Variants in OR7C1 observed in about 807,000 individuals in gnomAD.
OR7C1 encodes olfactory receptor family 7 subfamily C member 1, also known as olfactory receptor 7C1.
For synonymous variants in OR7C1, 152 were observed against 160.7 expected (o/e 0.95, Z 0.41); for missense variants, 324 against 383.3 (o/e 0.85, Z 1.29).
chr19:14,811,901 G>A (rs1215139987), intron 1 of OR7C1, among the ~76,000 whole-genome samples: 1 of 151,908 alleles, frequency 6.6e-6, no homozygotes, highest in Non-Finnish European at 1.5e-5. Context: ...CCTCCCGTGC[G>A]GCCTAGCTCC....
At chr19:14,822,908 T>A (rs766757358) in intron 1 of OR7C1, among the ~76,000 whole-genome samples, 2 of 152,104 alleles carry the variant, frequency 1.3e-5, no homozygotes, top group Non-Finnish European at 2.9e-5. Context: ...TATATTGGGA[T>A]ATTAACCCCT....
intron 1 of OR7C1, among the ~76,000 whole-genome samples, chr19:14,830,949 A>C (rs1434668227): frequency 2.0e-5 from 3 of 152,138 alleles, no homozygotes. Context: ...GTACCGCACA[A>C]AGCCCTCTTC....
intron 1 of OR7C1, among the ~76,000 whole-genome samples, chr19:14,817,220 T>G (rs998044969): frequency 1.3e-4 from 20 of 152,196 alleles, no homozygotes; most frequent in African/African-American, 4.8e-4. Flanking sequence ...GAATGGAAGT[T>G]CAATTGTTAA....
At position 14,799,698 on chromosome 19, in the gene OR7C1, C is replaced by T. The variant is rs147490603; in HGVS notation, c.439G>A (p.Gly147Arg). The T allele has an allele frequency of 8.7e-6, 14 of 1,614,008 alleles. No homozygotes were observed. The African/African-American group carries it at 1.6e-4, about 18-fold the overall frequency. ...CCCATGACACTGATGCACCAGGACC[C>T]CAGAACCAGCAGTCCACAGAGCTGG... The change falls in exon 5 of 5, where the codon GGG (glycine) becomes AGG (arginine). Residue 147 changes from glycine to arginine, a missense_variant. Coordinates refer to ENST00000641666, the Ensembl canonical transcript of OR7C1.
At chr19:14,823,005 T>A (rs968445319) in intron 1 of OR7C1, among the ~76,000 whole-genome samples, 1 of 152,220 alleles carries the variant, frequency 6.6e-6, no homozygotes, top group Non-Finnish European at 1.5e-5. Flanking sequence ...AGAAGGTTTT[T>A]AATTTGATGT....
chr19:14,827,482 C>A (rs148536488), intron 1 of OR7C1: 1 of 1,613,836 alleles, frequency 6.2e-7, no homozygotes, highest in African/African-American at 1.3e-5. Flanking sequence ...CCTAGGATTG[C>A]ACCATAAAAT....
chr19:14,814,724 C>T (rs8103907), intron 1 of OR7C1, among the ~76,000 whole-genome samples: 1,977 of 152,174 alleles, frequency 0.013, 42 homozygotes, highest in African/African-American at 0.045. Context: ...CATGCCTGGC[C>T]GGGAAAATGC....
chr19:14,812,036 C>T (rs1751141733), intron 1 of OR7C1, among the ~76,000 whole-genome samples: 1 of 150,724 alleles, frequency 6.6e-6, no homozygotes, highest in African/African-American at 2.5e-5. Context: ...GTGTGTTGTT[C>T]AGTCTTTGCT....
exon 5 of OR7C1, chr19:14,799,321 C>G (rs2147642087): frequency 6.2e-7 from 1 of 1,614,164 alleles, no homozygotes; most frequent in Non-Finnish European, 8.5e-7. Context: ...CTGAGGCCAC[C>G]AGACTTGTCC....
chr19:14,805,167 T>G (rs966293635), intron 2 of OR7C1, among the ~76,000 whole-genome samples: 5 of 151,786 alleles, frequency 3.3e-5, no homozygotes, highest in Non-Finnish European at 7.4e-5. Context: ...TTGTTCAGCT[T>G]TGATCACTAC....
chr19:14,801,487 A>C (rs1408235681), intron 2 of OR7C1, among the ~76,000 whole-genome samples: 4 of 152,202 alleles, frequency 2.6e-5, no homozygotes, highest in Non-Finnish European at 4.4e-5. Flanking sequence ...TATGGTTAAA[A>C]AATTTTATAG....
intron 1 of OR7C1, among the ~76,000 whole-genome samples, chr19:14,815,901 A>G (rs1352076136): frequency 6.6e-6 from 1 of 151,850 alleles, no homozygotes; most frequent in African/African-American, 2.4e-5. Context: ...GGCTCACTGC[A>G]GCCTCTACCT....
chr19:14,817,493 C>A (rs930898475), intron 1 of OR7C1, among the ~76,000 whole-genome samples: 3 of 152,184 alleles, frequency 2.0e-5, no homozygotes, highest in African/African-American at 7.2e-5. Context: ...TATCATCAAC[C>A]ATTCAGGGTA....
At chr19:14,820,706 G>T (rs781685288) in intron 1 of OR7C1, among the ~76,000 whole-genome samples, 2 of 152,192 alleles carry the variant, frequency 1.3e-5, no homozygotes, top group Non-Finnish European at 2.9e-5. Flanking sequence ...TGGAATAAAT[G>T]TGTGTCTGAC....
intron 1 of OR7C1, among the ~76,000 whole-genome samples, chr19:14,815,180 G>A (rs1211242525): frequency 6.6e-6 from 1 of 152,202 alleles, no homozygotes; most frequent in South Asian, 2.1e-4. Flanking sequence ...GACTGATTGG[G>A]CAACTTTCTC....
At chr19:14,831,426 C>A (rs1456349728) in intron 1 of OR7C1, among the ~76,000 whole-genome samples, 1 of 151,730 alleles carries the variant, frequency 6.6e-6, no homozygotes, top group Non-Finnish European at 1.5e-5. Context: ...TCCTGTGTGG[C>A]CTTTATTTTA....
exon 3 of OR7C1, chr19:14,800,609 A>G (rs1425292247): frequency 6.5e-6 from 1 of 153,278 alleles, no homozygotes. Flanking sequence ...ATTTTCTAAC[A>G]AAGAGCATCC....
intron 1 of OR7C1, among the ~76,000 whole-genome samples, chr19:14,822,373 C>CTTTTTTTTTTTTTTTTTTTT (rs1162241411): frequency 1.5e-5 from 1 of 67,694 alleles, no homozygotes; most frequent in African/African-American, 5.4e-5. Flanking sequence ...TATCTCCTGT[C>CTTTTTTTTTTTTTTTTTTTT]TTTTTTTTTT....
chr19:14,831,454 TA>T (rs1238187158), intron 1 of OR7C1, among the ~76,000 whole-genome samples: 1 of 152,050 alleles, frequency 6.6e-6, no homozygotes, highest in Non-Finnish European at 1.5e-5. Flanking sequence ...ATTTTATTAT[TA>T]TTTTTTTGAG....
Sources: allele counts gnomAD v4.1 joint callset (sites outside exome capture counted in the v4.1 genomes callset), GRCh38; gene constraint gnomAD v4.1.1; transcripts MANE v1.5; gene names NCBI Gene and HGNC (gene_info 2026-07-23, HGNC 2026-07-21).